MTA3: variants seen among roughly 807,000 people sequenced by gnomAD.
MTA3 encodes the protein metastasis-associated protein MTA3.
MTA3 carries 34 observed loss-of-function variants against 83.5 expected under a neutral mutation model. The ratio of observed to expected loss-of-function variants is 0.41; its 90% confidence interval spans 0.31 to 0.54. The LOEUF (loss-of-function observed/expected upper bound fraction) is 0.54. Among genes scored for constraint, MTA3 ranks in the 20% least tolerant of loss-of-function variants. The probability of loss-of-function intolerance (pLI) is 0.33; values close to 1 mark genes in which losing one functional copy is unlikely to be tolerated. For missense variants in MTA3, 761 were observed against 726.4 expected, an observed-to-expected ratio of 1.05 and a Z score of -0.55; for synonymous variants, 303 against 252.7, an observed-to-expected ratio of 1.20 and a Z score of -1.89.
At chr2:42,534,575 C>A (rs1056270163) in intron 2 of MTA3, among the ~76,000 whole-genome samples, 1 of 150,304 alleles carries the variant, frequency 6.7e-6, no homozygotes, top group Non-Finnish European at 1.5e-5. Context: ...CCAGCCTGGG[C>A]GATGAGTGAA....
intron 16 of MTA3, among the ~76,000 whole-genome samples, chr2:42,724,360 TC>T (rs1667664592): frequency 7.0e-6 from 1 of 142,338 alleles, no homozygotes; most frequent in African/African-American, 2.6e-5. Flanking sequence ...AAAAAGACTG[TC>T]GTTGTGGGCC....
chr2:42,617,081 C>A (rs1282819661), intron 4 of MTA3, among the ~76,000 whole-genome samples: 1 of 152,064 alleles, frequency 6.6e-6, no homozygotes, highest in African/African-American at 2.4e-5. Context: ...AATTTAAGAG[C>A]AATTTGCAGC....
At chr2:42,643,984 T>C (rs973361010) in intron 5 of MTA3, 143 bp from the exon 6 acceptor site, 10 of 509,924 alleles carry the variant, frequency 2.0e-5, no homozygotes, top group African/African-American at 1.4e-4. Flanking sequence ...ATGCTCTCCT[T>C]AAAGATTTAT....
intron 2 of MTA3, among the ~76,000 whole-genome samples, chr2:42,522,487 G>A (rs1675473839): frequency 1.3e-5 from 2 of 152,048 alleles, no homozygotes; most frequent in African/African-American, 2.4e-5. Flanking sequence ...GGGGACACAC[G>A]CTTCTGGCTT....
Position 42,690,913 on chromosome 2 carries a change from G to C in MTA3, c.892-4852G>C, listed in dbSNP as rs1175667530. Among the ~76,000 whole-genome samples the C allele has an allele frequency of 2.1e-5, 3 of 146,104 alleles. No individual in the cohort carries two copies. The Admixed American group carries it at 2.1e-4, about 10-fold the overall frequency. On this transcript the variant is annotated intron_variant, in intron 9 of 16. Transcript: ENST00000405094. ...ATTTATTGAGACAAAGTCTCACTCT[G>C]TTGCCCAAGCTAGAGTGCAGTGGCG...
rs70963320 is a variant in MTA3 at position 42,517,573 on chromosome 2, CAA to C, written c.-141+22336_-141+22337del. 5.4e-3 allele frequency among the ~76,000 whole-genome samples: 533 copies of C among 98,436 alleles called. 2 individuals are homozygous for C. Among genetic ancestry groups the C allele is most frequent in the African/African-American group, 0.016 (428 of 27,458 alleles). 64.6% of individuals were successfully genotyped at this position (98,436 alleles called of 152,430 possible). Reference sequence around the variant, plus strand: ...TGGGGACAAGAGCAAAATTCCATCTCAAAAAAAAAAAAAAAAAATTAGGCCAG... The same window carrying C: ...TGGGGACAAGAGCAAAATTCCATCTCAAAAAAAAAAAAAAAATTAGGCCAG... On this transcript the variant is annotated intron_variant, in intron 2 of 17. Coordinates refer to the MTA3 transcript ENST00000405592.
chr2:42,589,839 T>C (rs1487538612), intron 3 of MTA3, among the ~76,000 whole-genome samples: 1 of 152,164 alleles, frequency 6.6e-6, no homozygotes. Flanking sequence ...CAGAGACCTG[T>C]ATTGTATTTC....
intron 2 of MTA3, among the ~76,000 whole-genome samples, chr2:42,575,754 C>A (rs1293655347): frequency 6.6e-6 from 1 of 152,180 alleles, no homozygotes; most frequent in Non-Finnish European, 1.5e-5. Flanking sequence ...GCATTGTTTT[C>A]TTGAGGCACA....
intron 4 of MTA3, among the ~76,000 whole-genome samples, chr2:42,639,067 T>C (rs1054986609): frequency 2.7e-4 from 40 of 150,462 alleles, no homozygotes; most frequent in East Asian, 5.8e-4. Context: ...TTCTTTCTTT[T>C]TTTTTTTTTT....
chr2:42,693,566 A>G (rs1161039281), intron 9 of MTA3, among the ~76,000 whole-genome samples: 1 of 152,100 alleles, frequency 6.6e-6, no homozygotes, highest in Non-Finnish European at 1.5e-5. Flanking sequence ...GCCACCTCCA[A>G]TGTACACTTA....
chr2:42,664,691 G>T (rs1420272465), intron 8 of MTA3, among the ~76,000 whole-genome samples: 3 of 151,970 alleles, frequency 2.0e-5, no homozygotes, highest in Admixed American at 2.0e-4. Context: ...TTTCTATTAG[G>T]TGATCAAACC....
intron 2 of MTA3, among the ~76,000 whole-genome samples, chr2:42,534,093 A>T (rs1023954340): frequency 3.9e-5 from 6 of 151,926 alleles, no homozygotes; most frequent in African/African-American, 1.5e-4. Context: ...GGTTAAAAAC[A>T]CCCACTCAGA....
At position 42,529,778 on chromosome 2, in the gene MTA3, G is replaced by GGGCA. The variant is rs1381047836; in HGVS notation, c.-141+34527_-141+34530dup. Among the ~76,000 whole-genome samples the GGGCA allele has an allele frequency of 3.3e-5, 5 of 152,210 alleles. 1 individual carries two copies. The highest frequency in any genetic ancestry group is 2.0e-4 in the Admixed American group (3 of 15,284). ...TTAATGCTGGGCACAGAATGGTGTA[G>GGGCA]GGCAGGTTCTTAACCATAAGGACCA... On this transcript the variant is annotated intron_variant, in intron 2 of 17. Transcript: ENST00000405592.
chr2:42,595,855 C>G (rs1178190092), intron 3 of MTA3, among the ~76,000 whole-genome samples: 1 of 152,154 alleles, frequency 6.6e-6, no homozygotes, highest in Non-Finnish European at 1.5e-5. Flanking sequence ...ACCAGACACT[C>G]TAAATGCTTT....
chr2:42,553,222 G>A (rs898616532), intron 2 of MTA3, among the ~76,000 whole-genome samples: 2 of 151,616 alleles, frequency 1.3e-5, no homozygotes, highest in Non-Finnish European at 2.9e-5. Context: ...TCAGGAGATC[G>A]AGACAATCCT....
At position 42,723,079 on chromosome 2, in the gene MTA3, C is replaced by T. The variant is rs916390929; in HGVS notation, c.1759+44C>T. 84 of 1,540,426 alleles carry T rather than the reference C, an allele frequency of 5.5e-5. No individual in the cohort carries two copies. In the Admixed American group the frequency reaches 1.6e-3, roughly 29 times the overall value. On this transcript the variant is annotated intron_variant, in intron 16 of 16. Coordinates refer to ENST00000405094, the MANE Select transcript of MTA3 (RefSeq NM_001330442.2). Reference sequence around the variant, plus strand: ...TCTGGAGGCTGTTCTGATAGAGTGCCTTCACACTCAGGCATGTGTCTGCCA... The same window carrying T: ...TCTGGAGGCTGTTCTGATAGAGTGCTTTCACACTCAGGCATGTGTCTGCCA...
exon 1 of MTA3, chr2:42,494,635 C>T (rs1293005465): frequency 1.3e-5 from 2 of 152,404 alleles, no homozygotes; most frequent in East Asian, 1.9e-4. Context: ...CCCCCACGTT[C>T]TGGGGCGCGA....
chr2:42,565,647 G>A (rs2103809934), upstream of MTA3, among the ~76,000 whole-genome samples: 1 of 152,232 alleles, frequency 6.6e-6, no homozygotes, highest in South Asian at 2.1e-4. Context: ...GAGAATAACT[G>A]GAATAGAGAG....
chr2:42,668,424 AC>A (rs1690493095), intron 8 of MTA3, among the ~76,000 whole-genome samples: 1 of 152,040 alleles, frequency 6.6e-6, no homozygotes, highest in Non-Finnish European at 1.5e-5. Context: ...CCTGAACAAG[AC>A]CCCTGCGACC....
Sources: gnomAD v4.1 joint callset for allele counts (sites outside exome capture counted in the v4.1 genomes callset) on GRCh38, gnomAD v4.1.1 for gene constraint, MANE v1.5 for transcripts, NCBI Gene and HGNC (gene_info 2026-07-23, HGNC 2026-07-21) for gene names.